CYTH3: variants seen among roughly 807,000 people sequenced by gnomAD.
CYTH3 encodes cytohesin-3.
In CYTH3, 23 loss-of-function variants were observed where a neutral mutation model predicts 55.1. That is an observed-to-expected ratio of 0.42 (90% CI 0.30 to 0.59). CYTH3 has a LOEUF of 0.59. Ranked by LOEUF, CYTH3 falls within the 20% of genes least tolerant of loss-of-function variation. The pLI is 0.20. For missense variants in CYTH3, 413 were observed against 524.8 expected (o/e 0.79, Z 2.08); for synonymous variants, 249 against 194.9 (o/e 1.28, Z -2.31).
At chr7:6,185,882 G>A (rs890211332) in intron 4 of CYTH3, among the ~76,000 whole-genome samples, 12 of 151,948 alleles carry the variant, frequency 7.9e-5, no homozygotes, top group Non-Finnish European at 1.5e-4. Context: ...GATATTTATC[G>A]AAGGAACAAA....
At chr7:6,220,126 A>G (rs915638611) in intron 1 of CYTH3, among the ~76,000 whole-genome samples, 1 of 151,950 alleles carries the variant, frequency 6.6e-6, no homozygotes, top group Non-Finnish European at 1.5e-5. Context: ...CAAACTCCTG[A>G]CCTCAAGTGA....
intron 1 of CYTH3, among the ~76,000 whole-genome samples, chr7:6,191,956 G>A (rs375857292): frequency 1.1e-4 from 16 of 151,896 alleles, no homozygotes; most frequent in African/African-American, 3.6e-4. Flanking sequence ...GTGCATGCCT[G>A]TGGGCCCAGT....
At chr7:6,208,566 G>A (rs895824370) in intron 1 of CYTH3, among the ~76,000 whole-genome samples, 6 of 151,928 alleles carry the variant, frequency 3.9e-5, no homozygotes, top group African/African-American at 1.2e-4. Flanking sequence ...TGAGAGGTGC[G>A]GCAGGATCTC....
chr7:6,259,772 T>TATATAATATATATATATATAAATATA (rs1491219669), intron 1 of CYTH3, among the ~76,000 whole-genome samples: 3 of 30,496 alleles, frequency 9.8e-5, no homozygotes, highest in African/African-American at 9.4e-4. Flanking sequence ...TATATATATA[T>TATATAATATATATATATATAAATATA]TATATATATA....
At chr7:6,192,162 G>A (rs1282225692) in intron 1 of CYTH3, among the ~76,000 whole-genome samples, 1 of 152,170 alleles carries the variant, frequency 6.6e-6, no homozygotes, top group African/African-American at 2.4e-5. Context: ...AAGAAGAGCT[G>A]AGCCAGAAAC....
At chr7:6,257,141 T>A (rs1780150109) in intron 1 of CYTH3, among the ~76,000 whole-genome samples, 1 of 152,180 alleles carries the variant, frequency 6.6e-6, no homozygotes, top group Non-Finnish European at 1.5e-5. Flanking sequence ...AAAGGCATCA[T>A]TTATTCTCGA....
intron 1 of CYTH3, among the ~76,000 whole-genome samples, chr7:6,257,337 C>G (rs1780154577): frequency 6.6e-6 from 1 of 152,108 alleles, no homozygotes; most frequent in Admixed American, 6.5e-5. Flanking sequence ...GATCCTTTCT[C>G]AACTCAAAAA....
chr7:6,165,173 TC>T, intron 12 of CYTH3, 99 bp downstream of exon 12: 1 of 1,555,008 alleles, frequency 6.4e-7, no homozygotes, highest in African/African-American at 1.4e-5. Flanking sequence ...AGACAGAAGG[TC>T]CACTCTTGCA....
intron 6 of CYTH3, chr7:6,172,178 C>T (rs1019393416): frequency 2.0e-5 from 3 of 152,622 alleles, no homozygotes; most frequent in African/African-American, 7.2e-5. Context: ...AAATACTGAT[C>T]CCACCAGCCA....
intron 1 of CYTH3, among the ~76,000 whole-genome samples, chr7:6,219,219 T>C (rs1406074517): frequency 6.6e-6 from 1 of 152,164 alleles, no homozygotes; most frequent in Non-Finnish European, 1.5e-5. Flanking sequence ...ATAGCTGAAT[T>C]ATCTCCTACA....
intron 1 of CYTH3, among the ~76,000 whole-genome samples, chr7:6,210,966 C>T (rs1223883772): frequency 1.3e-5 from 2 of 152,146 alleles, no homozygotes; most frequent in Non-Finnish European, 2.9e-5. Flanking sequence ...ATCGATATTC[C>T]GGAATTTTTT....
In CYTH3 at chr7:6,165,768, G is replaced by A. The variant is rs1562872655; in HGVS notation, c.866C>T (p.Thr289Ile). ...KTWKRRWFIL[T>I]DNCLYYFEYT... is the part of the protein sequence containing the mutation. ...TTCAAAGTAATAGAGGCAGTTATCG[G>A]TCAGGATGAACCACCGGCGCTTCCA... The change falls in exon 10 of 13, where the codon ACC (threonine) becomes ATC (isoleucine). Residue 289 changes from threonine to isoleucine, a missense_variant. Coordinates refer to ENST00000350796, the MANE Select transcript of CYTH3 (RefSeq NM_004227.4). 6.2e-7 allele frequency: 1 copy of A among 1,614,118 alleles called. No homozygotes were observed. Among genetic ancestry groups the A allele is most frequent in the Non-Finnish European group, 8.5e-7 (1 of 1,180,000 alleles).
At chr7:6,221,442 G>C (rs567247141) in intron 1 of CYTH3, among the ~76,000 whole-genome samples, 1 of 152,222 alleles carries the variant, frequency 6.6e-6, no homozygotes, top group Non-Finnish European at 1.5e-5. Flanking sequence ...AACTGGGGTA[G>C]TAGGAGGGAG....
intron 1 of CYTH3, among the ~76,000 whole-genome samples, chr7:6,235,784 C>T (rs1779506542): frequency 6.6e-6 from 1 of 152,100 alleles, no homozygotes; most frequent in African/African-American, 2.4e-5. Context: ...AGACAGAAAC[C>T]CCACTCAAAT....
intron 1 of CYTH3, among the ~76,000 whole-genome samples, chr7:6,195,981 T>C (rs1443527508): frequency 1.3e-5 from 2 of 152,196 alleles, no homozygotes; most frequent in Admixed American, 6.6e-5. Context: ...AGCTCAACGA[T>C]GTCATCGGTA....
chr7:6,225,872 G>A (rs1165212830), intron 1 of CYTH3, among the ~76,000 whole-genome samples: 1 of 151,892 alleles, frequency 6.6e-6, no homozygotes, highest in African/African-American at 2.4e-5. Context: ...TAGAGAAGGG[G>A]TTTCACCATG....
chr7:6,225,649 C>A (rs1779230451), intron 1 of CYTH3, among the ~76,000 whole-genome samples: 1 of 151,148 alleles, frequency 6.6e-6, no homozygotes, highest in African/African-American at 2.4e-5. Context: ...AGCCACCGAG[C>A]ATGGCCTGAA....
rs1280167077 is a variant in CYTH3, at chr7:6,163,956, A to C, written c.*988T>G. ...GTGTGCATCTAAACAAAACATCAGC[A>C]GTTTCACGTGGCTCAGCGTATGGAC... On this transcript the variant is annotated 3_prime_UTR_variant, in exon 13 of 13. Coordinates refer to ENST00000350796, the MANE Select transcript of CYTH3 (RefSeq NM_004227.4). 6.6e-6 allele frequency: 1 copy of C among 152,286 alleles called. No individual in the cohort carries two copies. The highest frequency in any genetic ancestry group is 1.5e-5 in the Non-Finnish European group (1 of 68,050). The allele number at this position is 152,286 out of a possible 1,614,324, so 9.4% of individuals were successfully genotyped here.
intron 1 of CYTH3, among the ~76,000 whole-genome samples, chr7:6,253,906 T>A (rs896244319): frequency 6.6e-6 from 1 of 151,278 alleles, no homozygotes; most frequent in Non-Finnish European, 1.5e-5. Flanking sequence ...GGCAGGAGAA[T>A]CACTTGAACC....
Sources: allele counts gnomAD v4.1 joint callset (sites outside exome capture counted in the v4.1 genomes callset), GRCh38; gene constraint gnomAD v4.1.1; transcripts MANE v1.5; gene names NCBI Gene and HGNC (gene_info 2026-07-23, HGNC 2026-07-21).